Variants in THSD7B observed in about 807,000 individuals in gnomAD.
The protein encoded by THSD7B is thrombospondin type-1 domain-containing protein 7B.
Under a neutral mutation model 213.6 loss-of-function variants are expected in THSD7B, and 138 were observed. The observed-to-expected ratio is 0.65, with a 90% confidence interval of 0.56 to 0.74. The LOEUF is 0.74. THSD7B is among the 30% of genes least tolerant of loss of function. The probability of loss-of-function intolerance (pLI) is 0.00; values close to 1 mark genes in which losing one functional copy is unlikely to be tolerated. For synonymous variants in THSD7B, 742 were observed against 687.0 expected (o/e 1.08, Z -1.25); for missense variants, 1,931 against 1,991.5 (o/e 0.97, Z 0.58).
intron 3 of THSD7B, among the ~76,000 whole-genome samples, chr2:137,065,165 A>T (rs1283873143): frequency 6.6e-6 from 1 of 151,806 alleles, no homozygotes; most frequent in Non-Finnish European, 1.5e-5. Flanking sequence ...TTATTTTTCC[A>T]TTTTTTGTGC....
intron 15 of THSD7B, among the ~76,000 whole-genome samples, chr2:137,499,476 C>A (rs575689617): frequency 6.6e-6 from 1 of 152,274 alleles, no homozygotes; most frequent in Non-Finnish European, 1.5e-5. Flanking sequence ...TGCAACATTT[C>A]GTTATGTTCC....
Position 137,056,941 on chromosome 2 carries a change from A to C in THSD7B, c.661A>C (p.Thr221Pro). ...TGGTGGTTTGCAATGTCCAAATCTGACTGAGTCAAGAGCCTGTGATGCTCC... is the reference window on the plus strand; with the variant it reads ...TGGTGGTTTGCAATGTCCAAATCTGCCTGAGTCAAGAGCCTGTGATGCTCC... ...LFGGLQCPNL[T>P]ESRACDAPIS... is the part of the protein sequence containing the mutation. The change falls in exon 3 of 28, where the codon ACT becomes CCT. Residue 221 changes from threonine (T) to proline (P), a missense_variant. Physicochemically the swap from Thr to Pro is conservative, Grantham distance 38. Coordinates refer to ENST00000409968, the MANE Select transcript of THSD7B (RefSeq NM_001316349.2). 1 of 1,613,874 alleles carries C rather than the reference A, an allele frequency of 6.2e-7. No individual in the cohort carries two copies. The highest frequency in any genetic ancestry group is 8.5e-7 in the Non-Finnish European group (1 of 1,179,864).
intron 2 of THSD7B, among the ~76,000 whole-genome samples, chr2:136,912,998 G>A (rs1247820758): frequency 1.3e-5 from 2 of 152,196 alleles, no homozygotes; most frequent in Non-Finnish European, 2.9e-5. Flanking sequence ...AGTTTGAAGG[G>A]CTCAGAAGAT....
intron 9 of THSD7B, among the ~76,000 whole-genome samples, chr2:137,235,590 A>G (rs1217632070): frequency 1.3e-5 from 2 of 152,206 alleles, no homozygotes; most frequent in Non-Finnish European, 2.9e-5. Context: ...TTTGAATCAC[A>G]GTTTCATGAA....
intron 21 of THSD7B, among the ~76,000 whole-genome samples, chr2:137,654,331 C>A (rs1427596965): frequency 6.6e-6 from 1 of 152,174 alleles, no homozygotes; most frequent in Non-Finnish European, 1.5e-5. Flanking sequence ...GCCACTTTGA[C>A]TTGGTATCTC....
intron 12 of THSD7B, among the ~76,000 whole-genome samples, chr2:137,381,592 G>A (rs1441905819): frequency 6.6e-6 from 1 of 152,190 alleles, no homozygotes; most frequent in Non-Finnish European, 1.5e-5. Context: ...TGTAAAGAAG[G>A]CAAAGATGCC....
chr2:137,462,302 T>A (rs1477605112), intron 15 of THSD7B, among the ~76,000 whole-genome samples: 16 of 152,052 alleles, frequency 1.1e-4, no homozygotes, highest in African/African-American at 3.9e-4. Context: ...AATGTGAGCT[T>A]CTTCAAGTTA....
intron 12 of THSD7B, among the ~76,000 whole-genome samples, chr2:137,313,845 T>G (rs182307079): frequency 2.0e-5 from 3 of 152,314 alleles, no homozygotes. Flanking sequence ...CCCGCTCTCT[T>G]CTGTCTTGTA....
At chr2:137,546,448 ATATATATT>A (rs1680732403) in intron 15 of THSD7B, among the ~76,000 whole-genome samples, 2 of 27,696 alleles carry the variant, frequency 7.2e-5, no homozygotes, top group African/African-American at 6.0e-4. Context: ...TATATATTAT[ATATATATT>A]ATATATAATA....
chr2:137,482,688 T>C (rs1688334165), intron 15 of THSD7B, among the ~76,000 whole-genome samples: 1 of 152,130 alleles, frequency 6.6e-6, no homozygotes, highest in South Asian at 2.1e-4. Context: ...AAAACTGTTT[T>C]TTTTTTTTCC....
At position 137,273,130 on chromosome 2, in the gene THSD7B, A is replaced by G. The variant is rs142762047; in HGVS notation, c.2396+468A>G. ...CTAACATCTTTAATCAAGAATTAAG[A>G]ACAAATTTGTACTCCCTTGTTTATT... On this transcript the variant is annotated intron_variant, in intron 11 of 27. Coordinates refer to ENST00000409968, the MANE Select transcript of THSD7B (RefSeq NM_001316349.2). Among the ~76,000 whole-genome samples the G allele has an allele frequency of 1.3e-3, 197 of 152,060 alleles. 1 individual carries two copies. The highest frequency in any genetic ancestry group is 4.6e-3 in the African/African-American group (191 of 41,460).
At chr2:137,556,668 A>G (rs545876280) in intron 15 of THSD7B, among the ~76,000 whole-genome samples, 2 of 152,322 alleles carry the variant, frequency 1.3e-5, no homozygotes, top group South Asian at 2.1e-4. Flanking sequence ...CATCATAATG[A>G]CAGGATCAAA....
chr2:137,131,955 G>C (rs9711264), intron 5 of THSD7B, among the ~76,000 whole-genome samples: 1 of 148,964 alleles, frequency 6.7e-6, no homozygotes. Context: ...CATTGAATCT[G>C]TAAATTACCT....
chr2:137,285,202 A>T (rs1439532668), intron 12 of THSD7B, among the ~76,000 whole-genome samples: 1 of 151,942 alleles, frequency 6.6e-6, no homozygotes, highest in Non-Finnish European at 1.5e-5. Context: ...AGTCTGTTTT[A>T]TCAGAGACTA....
At chr2:137,320,666 T>C (rs10198627) in intron 12 of THSD7B, among the ~76,000 whole-genome samples, 35,049 of 152,174 alleles carry the variant, frequency 0.23, 4,228 homozygotes, top group South Asian at 0.31. Context: ...TCCACAGGCT[T>C]TACTGTGAAT....
chr2:137,316,063 C>T (rs924900711), intron 12 of THSD7B, among the ~76,000 whole-genome samples: 3 of 152,110 alleles, frequency 2.0e-5, no homozygotes, highest in Admixed American at 2.0e-4. Flanking sequence ...TTGATATCAT[C>T]ACAGAATTAT....
intron 15 of THSD7B, among the ~76,000 whole-genome samples, chr2:137,457,162 C>A (rs1415568941): frequency 6.6e-6 from 1 of 152,168 alleles, no homozygotes; most frequent in Admixed American, 6.5e-5. Context: ...CCCCCTCAGG[C>A]TTGTTAAATC....
intron 7 of THSD7B, among the ~76,000 whole-genome samples, chr2:137,182,423 G>A (rs1370307437): frequency 6.8e-6 from 1 of 146,068 alleles, no homozygotes; most frequent in Non-Finnish European, 1.5e-5. Context: ...GTTCACAGCT[G>A]TGATAGTGTA....
intron 12 of THSD7B, among the ~76,000 whole-genome samples, chr2:137,356,575 C>CT (rs1032328429): frequency 2.0e-5 from 3 of 152,174 alleles, no homozygotes; most frequent in African/African-American, 7.2e-5. Context: ...CTTGCTTTGG[C>CT]TAATAGGACG....
Sources: gnomAD v4.1 joint callset for allele counts (sites outside exome capture counted in the v4.1 genomes callset) on GRCh38, gnomAD v4.1.1 for gene constraint, MANE v1.5 for transcripts, NCBI Gene and HGNC (gene_info 2026-07-23, HGNC 2026-07-21) for gene names.